Variants in FMN1 observed in about 807,000 individuals in gnomAD.
FMN1 encodes the protein formin 1, also known as formin-1.
A neutral mutation model predicts 132.4 loss-of-function variants in FMN1; 110 were observed. The observed-to-expected ratio is 0.83, with a 90% confidence interval of 0.71 to 0.97. The LOEUF (loss-of-function observed/expected upper bound fraction) is 0.97. Ranked by LOEUF, FMN1 falls within the 50% of genes least tolerant of loss-of-function variation. The pLI, the probability that FMN1 is intolerant of heterozygous loss-of-function variation, is 0.00. For missense variants in FMN1, 1,792 were observed against 1,705.3 expected, an observed-to-expected ratio of 1.05 and a Z score of -0.90; for synonymous variants, 722 against 651.7, an observed-to-expected ratio of 1.11 and a Z score of -1.64.
intron 3 of FMN1, among the ~76,000 whole-genome samples, chr15:33,167,592 G>A (rs549972243): frequency 6.6e-6 from 1 of 152,250 alleles, no homozygotes; most frequent in Non-Finnish European, 1.5e-5. Flanking sequence ...CTCCCTGCCT[G>A]CACAGTCAAA....
intron 7 of FMN1, among the ~76,000 whole-genome samples, chr15:33,006,316 G>A (rs565788353): frequency 2.0e-4 from 30 of 152,228 alleles, no homozygotes; most frequent in Middle Eastern, 3.4e-3. Flanking sequence ...AATCATCAGG[G>A]AAATGCAAAC....
intron 4 of FMN1, among the ~76,000 whole-genome samples, chr15:33,128,439 G>A (rs1033640620): frequency 4.4e-4 from 67 of 152,024 alleles, no homozygotes; most frequent in African/African-American, 1.4e-3. Flanking sequence ...CCTCCTAAAA[G>A]AATTTTTATT....
chr15:32,804,924 G>C (rs1160850456), intron 17 of FMN1, among the ~76,000 whole-genome samples: 1 of 152,102 alleles, frequency 6.6e-6, no homozygotes, highest in East Asian at 1.9e-4. Flanking sequence ...TGGACATTTG[G>C]CTTGGTTCCA....
chr15:33,094,196 C>A (rs1384699885), intron 4 of FMN1, among the ~76,000 whole-genome samples: 2 of 152,048 alleles, frequency 1.3e-5, no homozygotes, highest in Non-Finnish European at 2.9e-5. Flanking sequence ...GGTGAAGTTA[C>A]CAAAACTCCC....
chr15:33,189,184 A>G (rs1442952630), intron 2 of FMN1, among the ~76,000 whole-genome samples: 1 of 152,176 alleles, frequency 6.6e-6, no homozygotes, highest in African/African-American at 2.4e-5. Flanking sequence ...TGTTTTATTC[A>G]TATTTACTTG....
chr15:33,007,965 C>G, intron 7 of FMN1, 49 bp downstream of exon 7: 4 of 1,487,350 alleles, frequency 2.7e-6, no homozygotes, highest in South Asian at 2.4e-5. Context: ...TAGGAGAAAA[C>G]CAAGTATCAG....
intron 6 of FMN1, among the ~76,000 whole-genome samples, chr15:33,019,620 C>G (rs987881711): frequency 3.9e-5 from 6 of 152,188 alleles, no homozygotes; most frequent in Admixed American, 6.5e-5. Flanking sequence ...CCGAGCCCTG[C>G]CCTGCAAGGA....
chr15:32,780,353 C>G (rs1173573814), intron 19 of FMN1, among the ~76,000 whole-genome samples: 1 of 152,174 alleles, frequency 6.6e-6, no homozygotes, highest in Non-Finnish European at 1.5e-5. Flanking sequence ...ACCAAGATGG[C>G]CACCTAGTGA....
At chr15:33,035,432 TAAAG>T (rs1363169162) in intron 6 of FMN1, among the ~76,000 whole-genome samples, 1 of 152,184 alleles carries the variant, frequency 6.6e-6, no homozygotes, top group Non-Finnish European at 1.5e-5. Context: ...AGATCCCAGA[TAAAG>T]AACATCTGGC....
intron 7 of FMN1, among the ~76,000 whole-genome samples, chr15:32,974,840 A>G (rs543896056): frequency 6.6e-6 from 1 of 152,222 alleles, no homozygotes; most frequent in Non-Finnish European, 1.5e-5. Flanking sequence ...GTTATTTGGT[A>G]AAGTCCCTTT....
chr15:32,969,745 C>G (rs2031620586), intron 7 of FMN1, among the ~76,000 whole-genome samples: 1 of 152,172 alleles, frequency 6.6e-6, no homozygotes, highest in African/African-American at 2.4e-5. Context: ...TAAAGTACAT[C>G]TATTACTTAA....
intron 4 of FMN1, among the ~76,000 whole-genome samples, chr15:33,100,360 C>T (rs2039249604): frequency 6.6e-6 from 1 of 151,866 alleles, no homozygotes; most frequent in Non-Finnish European, 1.5e-5. Flanking sequence ...GAAACAAATA[C>T]ACTCAAAGGT....
intron 7 of FMN1, among the ~76,000 whole-genome samples, chr15:32,982,767 C>CG (rs2032780459): frequency 6.6e-6 from 1 of 152,080 alleles, no homozygotes; most frequent in Non-Finnish European, 1.5e-5. Flanking sequence ...AAAGACTTTC[C>CG]TGTCTTTACA....
chr15:32,941,059 C>T (rs1453503471), intron 9 of FMN1, among the ~76,000 whole-genome samples: 1 of 152,068 alleles, frequency 6.6e-6, no homozygotes, highest in East Asian at 1.9e-4. Flanking sequence ...CCCCACGTAA[C>T]ATAAAAAGCA....
At chr15:32,894,371 C>A (rs1276213096) in intron 15 of FMN1, among the ~76,000 whole-genome samples, 2 of 151,914 alleles carry the variant, frequency 1.3e-5, no homozygotes, top group African/African-American at 4.8e-5. Context: ...GTAGTCCCAG[C>A]TACTTGGAAG....
intron 17 of FMN1, among the ~76,000 whole-genome samples, chr15:32,824,380 C>CA (rs1388802518): frequency 6.6e-6 from 1 of 152,146 alleles, no homozygotes; most frequent in African/African-American, 2.4e-5. Context: ...ACAGATTACA[C>CA]ATAGGTAATG....
At chr15:33,065,617 G>A (rs148947270) in intron 5 of FMN1, among the ~76,000 whole-genome samples, 83 of 152,252 alleles carry the variant, frequency 5.5e-4, no homozygotes, top group African/African-American at 1.8e-3. Flanking sequence ...TTACAACTAG[G>A]AGAATGTTAT....
At chr15:32,851,752 C>T (rs972650341) in intron 17 of FMN1, among the ~76,000 whole-genome samples, 3 of 152,166 alleles carry the variant, frequency 2.0e-5, no homozygotes, top group African/African-American at 7.2e-5. Context: ...AGGATAAACG[C>T]ATCATCTCCA....
intron 3 of FMN1, among the ~76,000 whole-genome samples, chr15:33,161,931 G>GA (rs76817753): frequency 4.8e-5 from 7 of 146,354 alleles, no homozygotes; most frequent in South Asian, 2.2e-4. Context: ...AAACAAAAAA[G>GA]AAAAAAAAAA....
Sources: allele counts gnomAD v4.1 joint callset (sites outside exome capture counted in the v4.1 genomes callset), GRCh38; gene constraint gnomAD v4.1.1; transcripts MANE v1.5; gene names NCBI Gene and HGNC (gene_info 2026-07-23, HGNC 2026-07-21).